The following ARMCX4 variants were observed in gnomAD, a reference collection of about 807,000 sequenced individuals.
The protein encoded by ARMCX4 is armadillo repeat-containing X-linked protein 4.
Under a neutral mutation model 34.7 loss-of-function variants are expected in ARMCX4, and 3 were observed. The observed-to-expected ratio is 0.09, with a 90% CI of 0.04 to 0.22. The LOEUF (loss-of-function observed/expected upper bound fraction) is 0.22. Ranked by LOEUF, ARMCX4 falls within the 10% of genes least tolerant of loss-of-function variation. ARMCX4 has a pLI of 1.00. For synonymous variants in ARMCX4, 513 were observed against 632.8 expected, an observed-to-expected ratio of 0.81 and a Z score of 2.84; for missense variants, 1,448 against 1,720.8, an observed-to-expected ratio of 0.84 and a Z score of 2.81.
rs947284893 is a variant in ARMCX4, at chrX:101,492,750, G to A, written c.4161G>A (p.Gly1387=). The A allele has an allele frequency of 1.0e-5, 12 of 1,144,139 alleles. No individual in the cohort carries two copies. In the Middle Eastern group the frequency reaches 2.6e-3, roughly 246 times the overall value. 94.3% of individuals were successfully genotyped at this position (1,144,139 alleles called of 1,213,427 possible). Reference sequence around the variant, plus strand: ...GGACACTTGATCAGTCTGGTGGTGGGTCCAAGCCTAGATTTGAAAATCAGA... The same window carrying A: ...GGACACTTGATCAGTCTGGTGGTGGATCCAAGCCTAGATTTGAAAATCAGA... ...WAGTLDQSGG[G]SKPRFENQTT... is the part of the protein sequence containing the mutation. The change falls in exon 6 of 6, where the codon GGG becomes GGA. Residue 1387 remains glycine (G), a synonymous_variant. Transcript: ENST00000423738.
downstream of ARMCX4, among the ~76,000 whole-genome samples, chrX:101,448,064 A>G (rs1254961120): frequency 2.7e-5 from 3 of 111,490 alleles, no homozygotes; most frequent in African/African-American, 9.8e-5. Flanking sequence ...TTTAATTTTT[A>G]GCTCCCACAA....
chrX:101,535,771 T>G (rs1556023356), downstream of ARMCX4, among the ~76,000 whole-genome samples: 2 of 111,957 alleles, frequency 1.8e-5, no homozygotes, highest in African/African-American at 6.5e-5. Context: ...TTAAAAAACT[T>G]TAAGTAATTT....
intron 4 of ARMCX4, among the ~76,000 whole-genome samples, chrX:101,475,905 G>A (rs184820560): frequency 9.0e-6 from 1 of 110,858 alleles, no homozygotes; most frequent in Admixed American, 9.7e-5. Context: ...ATCATAGTTG[G>A]GAGGCTTAGC....
chrX:101,525,670 G>A (rs782241349), intron 11 of ARMCX4, among the ~76,000 whole-genome samples: 6 of 111,323 alleles, frequency 5.4e-5, no homozygotes, highest in East Asian at 2.8e-4. Flanking sequence ...ACTACATGAC[G>A]TATGTACAAG....
At chrX:101,467,240 C>T (rs1321077009) in intron 4 of ARMCX4, among the ~76,000 whole-genome samples, 2 of 111,944 alleles carry the variant, frequency 1.8e-5, no homozygotes, top group African/African-American at 6.5e-5. Flanking sequence ...ACCTTCACTT[C>T]TCAGGTTCAC....
downstream of ARMCX4, among the ~76,000 whole-genome samples, chrX:101,450,463 G>A (rs781862014): frequency 4.5e-5 from 5 of 111,800 alleles, no homozygotes; most frequent in East Asian, 1.4e-3. Context: ...GTCCTTCAGG[G>A]CAGTGAACTC....
intron 2 of ARMCX4, among the ~76,000 whole-genome samples, chrX:101,421,343 G>A (rs1929242802): frequency 9.0e-6 from 1 of 110,844 alleles, no homozygotes; most frequent in South Asian, 3.8e-4. Context: ...GGTAATAGTA[G>A]CTTGTACTAC....
intron 2 of ARMCX4, among the ~76,000 whole-genome samples, chrX:101,436,926 T>C (rs782364116): frequency 8.9e-6 from 1 of 112,135 alleles, no homozygotes; most frequent in East Asian, 2.8e-4. Context: ...TCCTTGGTTC[T>C]GTTTATATGC....
chrX:101,487,783 A>G (rs1042177612), intron 4 of ARMCX4, 92 bp downstream of exon 4: 6 of 379,675 alleles, frequency 1.6e-5, no homozygotes, highest in Non-Finnish European at 2.5e-5. Context: ...AGTCTGGAGG[A>G]TGAGGATCCT....
Position 101,491,973 on chromosome X carries a change from C to T in ARMCX4, c.3384C>T (p.Ser1128=). The T allele has an allele frequency of 8.7e-7, 1 of 1,155,312 alleles. No homozygotes were observed. The highest frequency in any genetic ancestry group is 3.2e-5 in the East Asian group (1 of 30,795). The part of the protein sequence containing the change: ...TMDGDWENSV[S]WADDENEASI... ...ATGGAGACTGGGAAAATAGCGTGTC[C>T]TGGGCTGATGATGAGAATGAAGCCA... is the stretch of plus-strand genomic sequence containing the variant. Residue 1128 remains serine, a synonymous_variant, in exon 6 of 6, where the codon TCC becomes TCT. Coordinates refer to ENST00000423738, the MANE Select transcript of ARMCX4 (RefSeq NM_001256155.3).
At chrX:101,484,428 T>A (rs1175804953), upstream of ARMCX4, among the ~76,000 whole-genome samples, 1 of 111,917 alleles carries the variant, frequency 8.9e-6, no homozygotes, top group African/African-American at 3.3e-5. Context: ...GCCCCTTGAA[T>A]GGAAAACAGG....
At chrX:101,508,630 T>G (rs1326854535) in intron 8 of ARMCX4, among the ~76,000 whole-genome samples, 4 of 111,759 alleles carry the variant, frequency 3.6e-5, no homozygotes, top group African/African-American at 1.3e-4. Context: ...TTGGGGGACA[T>G]GATTCAGTAT....
At chrX:101,453,892 T>C (rs782544891) in intron 4 of ARMCX4, among the ~76,000 whole-genome samples, 8 of 110,925 alleles carry the variant, frequency 7.2e-5, no homozygotes, top group African/African-American at 2.6e-4. Flanking sequence ...ACGATAGGTA[T>C]CTGGTGCTTG....
intron 2 of ARMCX4, among the ~76,000 whole-genome samples, chrX:101,437,975 C>T (rs1256280099): frequency 9.0e-6 from 1 of 111,648 alleles, no homozygotes; most frequent in African/African-American, 3.3e-5. Flanking sequence ...TTTCTTAATC[C>T]TGAGTTCTAG....
intron 4 of ARMCX4, among the ~76,000 whole-genome samples, chrX:101,466,975 A>T (rs1932803136): frequency 8.9e-6 from 1 of 112,549 alleles, no homozygotes; most frequent in Non-Finnish European, 1.9e-5. Context: ...ATCTTCCTAG[A>T]GGAATCTCTT....
intron 11 of ARMCX4, among the ~76,000 whole-genome samples, chrX:101,513,858 A>C (rs1934650720): frequency 9.2e-6 from 1 of 108,390 alleles, no homozygotes; most frequent in Non-Finnish European, 1.9e-5. Flanking sequence ...CAGGGCATGG[A>C]AACACTAAGG....
At chrX:101,508,206 C>T (rs964961007) in intron 8 of ARMCX4, among the ~76,000 whole-genome samples, 2 of 112,262 alleles carry the variant, frequency 1.8e-5, no homozygotes, top group South Asian at 3.7e-4. Flanking sequence ...TTTCTCAGAA[C>T]GTATCTTCAT....
rs1451344373 is a variant in ARMCX4 at position 101,490,992 on chromosome X, G to A, written c.2403G>A (p.Leu801=). The change falls in exon 6 of 6, where the codon TTG becomes TTA. Residue 801 remains leucine (L), a synonymous_variant. Coordinates refer to ENST00000423738, the MANE Select transcript of ARMCX4 (RefSeq NM_001256155.3). ...TGGCTAATTCCCATTGTGAGACCTT[G>A]CCTGGTGCCAAGAATAAGGTCAGGG... ...QAVANSHCET[L]PGAKNKVRGN... 5 of 1,154,280 alleles carry A rather than the reference G, an allele frequency of 4.3e-6. No homozygotes were observed. The highest frequency in any genetic ancestry group is 5.7e-6 in the Non-Finnish European group (5 of 872,701).
intron 2 of ARMCX4, among the ~76,000 whole-genome samples, chrX:101,435,363 T>C (rs1391483193): frequency 8.9e-6 from 1 of 111,769 alleles, no homozygotes. Context: ...CATTGTGGTT[T>C]TGATTTGCAT....
Sources: gnomAD v4.1 joint callset for allele counts (sites outside exome capture counted in the v4.1 genomes callset) on GRCh38, gnomAD v4.1.1 for gene constraint, MANE v1.5 for transcripts, NCBI Gene and HGNC (gene_info 2026-07-23, HGNC 2026-07-21) for gene names.